The following FBRSL1 variants were observed in gnomAD, a reference collection of about 807,000 sequenced individuals.
FBRSL1 encodes the protein fibrosin-1-like protein.
In FBRSL1, 51 loss-of-function variants were observed where a neutral mutation model predicts 89.6. That is an observed-to-expected ratio of 0.57 (90% CI 0.45 to 0.72). FBRSL1 has a LOEUF of 0.72. Ranked by LOEUF, FBRSL1 falls within the 30% of genes least tolerant of loss-of-function variation. FBRSL1 has a pLI of 0.00. For missense variants in FBRSL1, 1,618 were observed against 1,451.8 expected, an observed-to-expected ratio of 1.11 and a Z score of -1.86; for synonymous variants, 779 against 681.1, an observed-to-expected ratio of 1.14 and a Z score of -2.24.
At chr12:132,509,834 C>T in intron 2 of FBRSL1, 1 of 1,231,988 alleles carries the variant, frequency 8.1e-7, no homozygotes. Context: ...GGTACCAGCC[C>T]CCGCGGCCAC....
chr12:132,509,181 G>T lies in FBRSL1; in HGVS notation c.489+831G>T, dbSNP rs114165486. ...TTCCATGCAGGTGTGCTCCCCAGAA[G>T]GGGGGCCGCTCCCAGCCAGCCACTG... is the stretch of plus-strand genomic sequence containing the variant. On this transcript the variant is annotated intron_variant, in intron 2 of 18. Transcript: ENST00000680143. 1,618 of 1,245,616 alleles carry T rather than the reference G, an allele frequency of 1.3e-3. 19 individuals carry two copies. In the African/African-American group the frequency reaches 0.023, roughly 18 times the overall value. The allele number at this position is 1,245,616 out of a possible 1,614,324, so 77.2% of individuals were successfully genotyped here.
intron 5 of FBRSL1, among the ~76,000 whole-genome samples, chr12:132,560,459 C>T (rs1188228413): frequency 6.6e-5 from 10 of 151,956 alleles, no homozygotes; most frequent in Non-Finnish European, 1.3e-4. Context: ...GTCAGGGCAC[C>T]CGGGGTCCGG....
chr12:132,556,327 C>G (rs1187703231), intron 5 of FBRSL1, among the ~76,000 whole-genome samples: 1 of 152,196 alleles, frequency 6.6e-6, no homozygotes, highest in African/African-American at 2.4e-5. Flanking sequence ...GACAGAACCT[C>G]AGAGTCGTTC....
In FBRSL1 at chr12:132,569,676, G is replaced by A. The variant is rs1344249704; in HGVS notation, c.692-250G>A. Among the ~76,000 whole-genome samples the A allele has an allele frequency of 5.3e-5, 8 of 152,308 alleles. No homozygotes were observed. In the East Asian group the frequency reaches 1.4e-3, roughly 26 times the overall value. On this transcript the variant is annotated intron_variant, in intron 6 of 18. Transcript: ENST00000680143. ...CCAGTGATGCGTCTTCGGGCAGGTG[G>A]GCTACCCACCCCCACCCCTGGCCAC...
intron 8 of FBRSL1, among the ~76,000 whole-genome samples, chr12:132,570,815 A>G (rs1432403724): frequency 1.3e-5 from 2 of 151,632 alleles, no homozygotes; most frequent in African/African-American, 2.4e-5. Flanking sequence ...TCCTGGGGCC[A>G]GGCCTCCCCC....
chr12:132,525,568 C>T (rs1380410817), intron 2 of FBRSL1, among the ~76,000 whole-genome samples, 166 bp from the exon 3 acceptor site: 1 of 152,238 alleles, frequency 6.6e-6, no homozygotes, highest in Non-Finnish European at 1.5e-5. Context: ...GACCAGGACC[C>T]AGCCCACCAC....
chr12:132,573,867 C>T (rs2040208794), intron 11 of FBRSL1, among the ~76,000 whole-genome samples: 1 of 152,182 alleles, frequency 6.6e-6, no homozygotes, highest in African/African-American at 2.4e-5. Flanking sequence ...GAGGGTCGCC[C>T]ACCTTCCCTG....
chr12:132,508,373 G>A lies in FBRSL1; in HGVS notation c.489+23G>A, dbSNP rs531967087. On this transcript the variant is annotated intron_variant, in intron 2 of 18. Coordinates refer to ENST00000680143, the MANE Select transcript of FBRSL1 (RefSeq NM_001367871.1). ...CAGGTGAGCAGGTCCCTCCCCGACC[G>A]GAAGCTCTGCGGCGGGTCAGTGCTC... 598 of 1,369,358 alleles carry A rather than the reference G, an allele frequency of 4.4e-4. 3 individuals are homozygous for A. In the African/African-American group the frequency reaches 7.8e-3, roughly 18 times the overall value. The allele number at this position is 1,369,358 out of a possible 1,614,324, so 84.8% of individuals were successfully genotyped here.
chr12:132,510,348 G>A, intron 2 of FBRSL1: 5 of 1,231,476 alleles, frequency 4.1e-6, no homozygotes, highest in South Asian at 4.1e-5. Context: ...CTCGCTCCTG[G>A]CCCTGGGCCA....
At chr12:132,534,591 A>G (rs1251388899) in intron 4 of FBRSL1, among the ~76,000 whole-genome samples, 1 of 152,082 alleles carries the variant, frequency 6.6e-6, no homozygotes, top group Non-Finnish European at 1.5e-5. Context: ...GCGCTCTTTT[A>G]TCTCCTGTTT....
At chr12:132,561,851 G>C (rs1439312946) in intron 5 of FBRSL1, among the ~76,000 whole-genome samples, 2 of 152,220 alleles carry the variant, frequency 1.3e-5, no homozygotes, top group African/African-American at 4.8e-5. Flanking sequence ...TTCAGTGCCT[G>C]GTTCATGGCT....
At chr12:132,579,632 C>A (rs147601430) in intron 15 of FBRSL1, among the ~76,000 whole-genome samples, 9 of 152,166 alleles carry the variant, frequency 5.9e-5, no homozygotes, top group Non-Finnish European at 1.2e-4. Flanking sequence ...ACTGTCGGTA[C>A]GTTTCTGGAG....
Position 132,546,230 on chromosome 12 carries a change from C to A in FBRSL1, c.616-1773C>A, listed in dbSNP as rs944093632. Among the ~76,000 whole-genome samples, 1 of 152,278 alleles carries A rather than the reference C, an allele frequency of 6.6e-6. No homozygotes were observed. The highest frequency in any genetic ancestry group is 2.4e-5 in the African/African-American group (1 of 41,474). On this transcript the variant is annotated intron_variant, in intron 4 of 18. Transcript: ENST00000680143. This position sits in a 1 kb window ranked among gnomAD's most constrained non-coding sequence, Gnocchi z 4.0. ...TTTCCTCACCAAACACCAAGGCCCG[C>A]CCATATCACAGCAGGGGAGATGGAG...
At chr12:132,572,410 G>C in intron 10 of FBRSL1, 66 bp downstream of exon 10, 3 of 1,526,348 alleles carry the variant, frequency 2.0e-6, no homozygotes, top group Non-Finnish European at 2.7e-6. Flanking sequence ...GGGGCGGTGG[G>C]TGGGGCTGCC....
chr12:132,566,290 C>G (rs554967344), intron 5 of FBRSL1: 1 of 152,024 alleles, frequency 6.6e-6, no homozygotes, highest in East Asian at 1.9e-4. Context: ...CACTCAAGAC[C>G]TCATGACCTC....
chr12:132,512,660 C>G (rs747651673), intron 2 of FBRSL1, among the ~76,000 whole-genome samples: 91 of 152,328 alleles, frequency 6.0e-4, no homozygotes, highest in Non-Finnish European at 1.1e-3. Context: ...CAGAGGGGGC[C>G]GAGTGAGTAG....
At chr12:132,505,472 C>T (rs2033568825) in intron 1 of FBRSL1, among the ~76,000 whole-genome samples, 1 of 152,194 alleles carries the variant, frequency 6.6e-6, no homozygotes, top group South Asian at 2.1e-4. Context: ...CGGCCCCACC[C>T]CCACCCGTGG....
Position 132,499,404 on chromosome 12 carries a change from C to T in FBRSL1, c.291+8543C>T, listed in dbSNP as rs949664048. Among the ~76,000 whole-genome samples, 1 of 152,184 alleles carries T rather than the reference C, an allele frequency of 6.6e-6. No individual in the cohort carries two copies. The stretch of plus-strand genomic sequence containing the variant: ...AAGGGTTCTGAGCTGTTCTGCTTTC[C>T]CTGACAGACTTTATAAGCATTTATT... On this transcript the variant is annotated intron_variant, in intron 1 of 18. Transcript: ENST00000680143. This position sits in a 1 kb window ranked among gnomAD's most constrained non-coding sequence, Gnocchi z 4.3.
At chr12:132,556,091 G>A (rs559857019) in intron 5 of FBRSL1, among the ~76,000 whole-genome samples, 2 of 152,268 alleles carry the variant, frequency 1.3e-5, no homozygotes, top group South Asian at 2.1e-4. Flanking sequence ...GCTGAAATTC[G>A]CTAGGATTTG....
Sources: gnomAD v4.1 joint callset for allele counts (sites outside exome capture counted in the v4.1 genomes callset) on GRCh38, gnomAD v4.1.1 for gene constraint, Gnocchi (gnomAD v3.1) non-coding constraint, MANE v1.5 for transcripts, NCBI Gene and HGNC (gene_info 2026-07-23, HGNC 2026-07-21) for gene names.